The following AHR variants were observed in gnomAD, a reference collection of about 807,000 sequenced individuals.
The protein encoded by AHR is AH-receptor.
AHR carries 40 observed loss-of-function variants against 86.8 expected under a neutral mutation model. The observed-to-expected ratio is 0.46, with a 90% CI of 0.36 to 0.60. The LOEUF (loss-of-function observed/expected upper bound fraction) is 0.60. Among genes scored for constraint, AHR ranks in the 20% least tolerant of loss-of-function variants. The probability of loss-of-function intolerance (pLI) is 0.00; values close to 1 mark genes in which losing one functional copy is unlikely to be tolerated. For missense variants in AHR, 1,001 were observed against 1,011.6 expected (o/e 0.99, Z 0.14); for synonymous variants, 398 against 354.9 (o/e 1.12, Z -1.37).
Position 17,298,719 on chromosome 7 carries a change from G to A in AHR, c.-546G>A, listed in dbSNP as rs1706089387. 5.0e-6 allele frequency: 2 copies of A among 397,102 alleles called. No individual in the cohort carries two copies. Among genetic ancestry groups the A allele is most frequent in the South Asian group, 1.3e-4 (1 of 7,644 alleles). The allele number at this position is 397,102 out of a possible 1,614,324, so 24.6% of individuals were successfully genotyped here. The stretch of plus-strand genomic sequence containing the variant: ...CCCCGGACCGCCAGCTCAGAACAGG[G>A]GCAGCCGTGTAGCCGAACGGAAGCT... On this transcript the variant is annotated 5_prime_UTR_variant, in exon 1 of 11. Coordinates refer to ENST00000242057, the MANE Select transcript of AHR (RefSeq NM_001621.5).
intron 6 of AHR, among the ~76,000 whole-genome samples, chr7:17,333,311 G>A (rs1206441083): frequency 6.6e-6 from 1 of 151,848 alleles, no homozygotes; most frequent in Admixed American, 6.6e-5. Flanking sequence ...CCTTGGACTG[G>A]TTGATATTGT....
intron 6 of AHR, among the ~76,000 whole-genome samples, chr7:17,332,511 C>G (rs1782307069): frequency 6.6e-6 from 1 of 151,196 alleles, no homozygotes; most frequent in African/African-American, 2.4e-5. Flanking sequence ...CTGTACAGAC[C>G]TAAGCTAATG....
At chr7:17,322,449 C>T in intron 2 of AHR, 52 bp from the exon 3 acceptor site, 1 of 1,189,222 alleles carries the variant, frequency 8.4e-7, no homozygotes, top group African/African-American at 1.5e-5. Flanking sequence ...TCTATTATAG[C>T]TCTTTACTCT....
At position 17,335,787 on chromosome 7, in the gene AHR, G is replaced by T; in HGVS notation, c.1160+1G>T. Reference sequence around the variant, plus strand: ...TCATTGTAACTCAGAGACCACTAACGTAAGCACAAATAATGTTTCCTGTTT... The same window carrying T: ...TCATTGTAACTCAGAGACCACTAACTTAAGCACAAATAATGTTTCCTGTTT... On this transcript the variant is annotated splice_donor_variant, in intron 9 of 10. Coordinates refer to ENST00000242057, the MANE Select transcript of AHR (RefSeq NM_001621.5). LOFTEE classifies it high-confidence loss of function. The T allele has an allele frequency of 6.2e-7, 1 of 1,610,488 alleles. No homozygotes were observed. The highest frequency in any genetic ancestry group is 8.5e-7 in the Non-Finnish European group (1 of 1,178,622).
At chr7:17,320,194 T>G (rs1782154604) in intron 2 of AHR, among the ~76,000 whole-genome samples, 2 of 152,092 alleles carry the variant, frequency 1.3e-5, no homozygotes, top group South Asian at 4.1e-4. Context: ...ATTCTGGTAC[T>G]TAGTATTTTT....
In AHR at chr7:17,345,990, G is replaced by A. The variant is rs1031916792; in HGVS notation, c.*2926G>A. 1 of 152,504 alleles carries A rather than the reference G, an allele frequency of 6.6e-6. No homozygotes were observed. The highest frequency in any genetic ancestry group is 1.9e-4 in the East Asian group (1 of 5,334). The allele number at this position is 152,504 out of a possible 1,614,324, so 9.4% of individuals were successfully genotyped here. ...TACTATGCACAAACTAGTGTTTTTC[G>A]ATGTTACTAAATTTTAGGTAAATGC... On this transcript the variant is annotated 3_prime_UTR_variant, in exon 11 of 11. Transcript: ENST00000242057.
intron 10 of AHR, 124 bp downstream of exon 10, chr7:17,340,352 T>A (rs1456990769): frequency 1.5e-6 from 2 of 1,320,526 alleles, no homozygotes; most frequent in Non-Finnish European, 2.0e-6. Flanking sequence ...AGACAGCATT[T>A]TTTATTATAT....
At position 17,316,667 on chromosome 7, in the gene AHR, G is replaced by A. The variant is rs970310292; in HGVS notation, c.254-5834G>A. Among the ~76,000 whole-genome samples, 9 of 152,122 alleles carry A rather than the reference G, an allele frequency of 5.9e-5. No individual in the cohort carries two copies. The East Asian group carries it at 1.5e-3, about 26-fold the overall frequency. On this transcript the variant is annotated intron_variant, in intron 2 of 10. Transcript: ENST00000242057. ...ATTGGTTGACATAAAGAACCTTAAT[G>A]AATTGTACCTACTGAATTCTTCATG...
At chr7:17,300,998 G>C (rs1314637098) in intron 1 of AHR, among the ~76,000 whole-genome samples, 1 of 151,906 alleles carries the variant, frequency 6.6e-6, no homozygotes, top group East Asian at 1.9e-4. Flanking sequence ...TATGGATTTT[G>C]GTTATTTTGC....
In AHR at chr7:17,345,328, A is replaced by G. The variant is rs1356685015; in HGVS notation, c.*2264A>G. 6.6e-6 allele frequency: 1 copy of G among 152,378 alleles called. No homozygotes were observed. Among genetic ancestry groups the G allele is most frequent in the Admixed American group, 6.6e-5 (1 of 15,260 alleles). The allele number at this position is 152,378 out of a possible 1,614,324, so 9.4% of individuals were successfully genotyped here. A position where few individuals can be genotyped will look rare whatever the true frequency, so the allele number is the denominator to read the frequency against. ...CTCCGTCTCCAAAAAAAAAAAAAAT[A>G]CAATTTTTATTTCTTTTACTTTTTT... On this transcript the variant is annotated 3_prime_UTR_variant, in exon 11 of 11. Coordinates refer to ENST00000242057, the MANE Select transcript of AHR (RefSeq NM_001621.5).
At chr7:17,341,271 C>T (rs1225505891) in intron 10 of AHR, among the ~76,000 whole-genome samples, 1 of 151,996 alleles carries the variant, frequency 6.6e-6, no homozygotes. Flanking sequence ...TAGAAAAGGA[C>T]AGTGAAAATT....
chr7:17,338,951 A>T, intron 9 of AHR, 35 bp from the exon 10 acceptor site: 1 of 1,505,204 alleles, frequency 6.6e-7, no homozygotes, highest in Non-Finnish European at 8.9e-7. Flanking sequence ...GTTTGATAGA[A>T]TTTTTTTCTA....
intron 1 of AHR, among the ~76,000 whole-genome samples, chr7:17,304,608 C>A (rs1016179949): frequency 2.0e-5 from 3 of 152,058 alleles, no homozygotes; most frequent in Non-Finnish European, 4.4e-5. Context: ...GTATTTAAGA[C>A]CCGATTTAGA....
intron 9 of AHR, among the ~76,000 whole-genome samples, chr7:17,337,916 A>G (rs2115368711): frequency 6.6e-6 from 1 of 152,012 alleles, no homozygotes; most frequent in East Asian, 1.9e-4. Context: ...AGTATATTAA[A>G]TTATAAATAC....
At chr7:17,336,363 C>G (rs1177622886) in intron 9 of AHR, among the ~76,000 whole-genome samples, 1 of 152,092 alleles carries the variant, frequency 6.6e-6, no homozygotes, top group Non-Finnish European at 1.5e-5. Flanking sequence ...GGTTCTCTGT[C>G]TGGATTGTGT....
intron 1 of AHR, among the ~76,000 whole-genome samples, chr7:17,302,810 A>T (rs181749943): frequency 0.029 from 4,280 of 149,836 alleles, 101 homozygotes; most frequent in African/African-American, 0.062. Flanking sequence ...ACAAAAAAAA[A>T]ATATATATAT....
intron 4 of AHR, among the ~76,000 whole-genome samples, chr7:17,329,176 G>A (rs76705266): frequency 2.6e-5 from 4 of 151,898 alleles, no homozygotes; most frequent in East Asian, 1.9e-4. Context: ...GTTATGACTC[G>A]CTCATGGGTA....
chr7:17,340,923 T>A (rs2115370917), intron 10 of AHR, among the ~76,000 whole-genome samples: 1 of 152,160 alleles, frequency 6.6e-6, no homozygotes, highest in Admixed American at 6.5e-5. Context: ...TGTTTAAATG[T>A]GTCATCAGAA....
chr7:17,304,164 T>G (rs1309460468), intron 1 of AHR, among the ~76,000 whole-genome samples: 2 of 152,178 alleles, frequency 1.3e-5, no homozygotes, highest in African/African-American at 4.8e-5. Flanking sequence ...AAGTCAATTA[T>G]ATATGTGGCA....
Sources: gnomAD v4.1 joint callset for allele counts (sites outside exome capture counted in the v4.1 genomes callset) on GRCh38, gnomAD v4.1.1 for gene constraint, MANE v1.5 for transcripts, NCBI Gene and HGNC (gene_info 2026-07-23, HGNC 2026-07-21) for gene names.